Variants in ZNF385D observed in about 807,000 individuals in gnomAD.
ZNF385D encodes zinc finger protein 385D.
Under a neutral mutation model 35.8 loss-of-function variants are expected in ZNF385D, and 15 were observed. That is an observed-to-expected ratio of 0.42 (90% CI 0.28 to 0.64). The LOEUF (loss-of-function observed/expected upper bound fraction) is 0.64, where lower values mean the gene tolerates loss of function less well. Among genes scored for constraint, ZNF385D ranks in the 30% least tolerant of loss-of-function variants. The pLI is 0.23. For synonymous variants in ZNF385D, 212 were observed against 186.8 expected (o/e 1.13, Z -1.10); for missense variants, 474 against 494.6 (o/e 0.96, Z 0.39).
At chr3:21,554,873 A>G (rs2062680045) in intron 3 of ZNF385D, among the ~76,000 whole-genome samples, 1 of 152,206 alleles carries the variant, frequency 6.6e-6, no homozygotes, top group Admixed American at 6.5e-5. Context: ...ATAGAATTAA[A>G]GAGAGTTAGG....
intron 3 of ZNF385D, among the ~76,000 whole-genome samples, chr3:22,141,505 A>T (rs1704501077): frequency 6.6e-6 from 1 of 152,180 alleles, no homozygotes; most frequent in African/African-American, 2.4e-5. Context: ...AATTTCCAAG[A>T]TTAAGAAGGC....
intron 2 of ZNF385D, among the ~76,000 whole-genome samples, chr3:21,573,606 C>G (rs753170912): frequency 6.6e-6 from 1 of 151,884 alleles, no homozygotes; most frequent in Non-Finnish European, 1.5e-5. Flanking sequence ...GAAAACCATA[C>G]AAAAGTTATA....
intron 4 of ZNF385D, among the ~76,000 whole-genome samples, chr3:21,479,161 T>C (rs1448916019): frequency 4.0e-5 from 6 of 151,650 alleles, no homozygotes; most frequent in African/African-American, 1.5e-4. Context: ...TTTTTTTTTT[T>C]CTACTGAAAG....
At chr3:21,779,529 T>G (rs1459378735) in intron 3 of ZNF385D, among the ~76,000 whole-genome samples, 3 of 152,006 alleles carry the variant, frequency 2.0e-5, no homozygotes, top group Non-Finnish European at 2.9e-5. Flanking sequence ...TCTATCATAA[T>G]TAGTGACTTC....
At chr3:21,878,400 T>C (rs1053455343) in intron 3 of ZNF385D, among the ~76,000 whole-genome samples, 1 of 152,064 alleles carries the variant, frequency 6.6e-6, no homozygotes, top group African/African-American at 2.4e-5. Context: ...ATCAGTTTCA[T>C]GAGTGCTACA....
intron 1 of ZNF385D, among the ~76,000 whole-genome samples, chr3:21,681,109 G>C (rs569993376): frequency 2.6e-5 from 4 of 152,046 alleles, no homozygotes; most frequent in African/African-American, 7.2e-5. Context: ...ACAGATCTGA[G>C]TGTAACAGAA....
At chr3:21,845,340 G>T (rs1695940363) in intron 3 of ZNF385D, among the ~76,000 whole-genome samples, 1 of 151,988 alleles carries the variant, frequency 6.6e-6, no homozygotes, top group Non-Finnish European at 1.5e-5. Flanking sequence ...AATTTTGGTT[G>T]TAGCATAAAC....
At chr3:21,737,870 T>C (rs188729639) in intron 1 of ZNF385D, among the ~76,000 whole-genome samples, 2 of 152,320 alleles carry the variant, frequency 1.3e-5, no homozygotes, top group East Asian at 1.9e-4. Flanking sequence ...ATGGTTCTTC[T>C]ATCAGGCACA....
chr3:21,750,129 G>C (rs1559582796), intron 1 of ZNF385D, among the ~76,000 whole-genome samples: 1 of 152,206 alleles, frequency 6.6e-6, no homozygotes, highest in East Asian at 1.9e-4. Context: ...GAAGGGGCTT[G>C]CCTCCTGTAC....
intron 5 of ZNF385D, among the ~76,000 whole-genome samples, chr3:21,436,563 G>C (rs1391007380): frequency 6.6e-6 from 1 of 151,868 alleles, no homozygotes; most frequent in African/African-American, 2.4e-5. Flanking sequence ...AAAATAGAGG[G>C]GTTTTAACCA....
chr3:22,248,736 C>T (rs534295215), intron 2 of ZNF385D, among the ~76,000 whole-genome samples: 5 of 152,218 alleles, frequency 3.3e-5, no homozygotes, highest in African/African-American at 1.2e-4. Context: ...CCAAACCTCC[C>T]ATGAATGGGA....
chr3:21,429,100 G>A (rs1011011883), intron 5 of ZNF385D, among the ~76,000 whole-genome samples: 1 of 151,158 alleles, frequency 6.6e-6, no homozygotes, highest in African/African-American at 2.4e-5. Flanking sequence ...GTTTGGTACT[G>A]GCATAAAGGA....
intron 3 of ZNF385D, among the ~76,000 whole-genome samples, chr3:21,834,402 T>C (rs1432943955): frequency 6.6e-6 from 1 of 152,186 alleles, no homozygotes; most frequent in East Asian, 1.9e-4. Flanking sequence ...AGTTCTGTTT[T>C]GCTTATCTGG....
chr3:21,866,870 C>G (rs73040519), intron 3 of ZNF385D, among the ~76,000 whole-genome samples: 10,675 of 152,178 alleles, frequency 0.07, 557 homozygotes, highest in East Asian at 0.21. Flanking sequence ...CATCTTTGGG[C>G]TTAAGATAGG....
At chr3:22,056,371 T>C (rs1699401455) in intron 3 of ZNF385D, among the ~76,000 whole-genome samples, 1 of 151,472 alleles carries the variant, frequency 6.6e-6, no homozygotes, top group African/African-American at 2.4e-5. Flanking sequence ...AACCGTGTGT[T>C]AGTTTAGGGG....
intron 2 of ZNF385D, among the ~76,000 whole-genome samples, chr3:22,281,986 T>G (rs1701770600): frequency 6.6e-6 from 1 of 152,102 alleles, no homozygotes; most frequent in South Asian, 2.1e-4. Flanking sequence ...GGGTTGTATA[T>G]TTCCAGGAAT....
At chr3:22,137,876 A>C (rs562691799) in intron 3 of ZNF385D, among the ~76,000 whole-genome samples, 4 of 152,146 alleles carry the variant, frequency 2.6e-5, no homozygotes, top group East Asian at 3.9e-4. Flanking sequence ...GAGGAAGTCA[A>C]ATTGTCCCTG....
intron 3 of ZNF385D, among the ~76,000 whole-genome samples, chr3:21,898,928 T>A (rs1255609748): frequency 2.0e-5 from 3 of 152,118 alleles, no homozygotes; most frequent in African/African-American, 7.2e-5. Context: ...AGATGACTTC[T>A]CCTCACGTCT....
intron 4 of ZNF385D, among the ~76,000 whole-genome samples, chr3:21,442,085 C>T (rs569330217): frequency 2.6e-5 from 4 of 152,214 alleles, no homozygotes; most frequent in African/African-American, 4.8e-5. Flanking sequence ...TTGTGACCTT[C>T]GTCTTGTATA....
Sources: allele counts gnomAD v4.1 joint callset (sites outside exome capture counted in the v4.1 genomes callset), GRCh38; gene constraint gnomAD v4.1.1; transcripts MANE v1.5; gene names NCBI Gene and HGNC (gene_info 2026-07-23, HGNC 2026-07-21).